CLCN5: variants seen among roughly 807,000 people sequenced by gnomAD.
CLCN5 encodes Cl-/H+ antiporter 5.
Under a neutral mutation model 54.0 loss-of-function variants are expected in CLCN5, and 17 were observed. The observed-to-expected ratio is 0.31, with a 90% CI of 0.22 to 0.47. The LOEUF (loss-of-function observed/expected upper bound fraction) is 0.47. Ranked by LOEUF, CLCN5 falls within the 20% of genes least tolerant of loss-of-function variation. CLCN5 has a pLI of 1.00. For synonymous variants in CLCN5, 222 were observed against 233.0 expected, an observed-to-expected ratio of 0.95 and a Z score of 0.43; for missense variants, 448 against 646.7, an observed-to-expected ratio of 0.69 and a Z score of 3.33.
intron 11 of CLCN5, among the ~76,000 whole-genome samples, 178 bp downstream of exon 11, chrX:50,087,048 G>A (rs975793818): frequency 1.8e-5 from 2 of 109,003 alleles, no homozygotes; most frequent in African/African-American, 6.7e-5. Flanking sequence ...CTAGACACTT[G>A]TACCTCTATC....
intron 3 of CLCN5, among the ~76,000 whole-genome samples, chrX:50,041,005 T>C (rs1201158533): frequency 8.9e-6 from 1 of 112,481 alleles, no homozygotes; most frequent in African/African-American, 3.2e-5. Flanking sequence ...GGAGTGATAA[T>C]GCCATAGCAT....
chrX:50,063,659 T>A (rs1372816408), intron 4 of CLCN5, among the ~76,000 whole-genome samples: 1 of 108,526 alleles, frequency 9.2e-6, no homozygotes, highest in Non-Finnish European at 1.9e-5. Context: ...ACTCATTTTA[T>A]GAGGCCAGCA....
chrX:49,929,387 G>T (rs1399735465), intron 3 of CLCN5, among the ~76,000 whole-genome samples: 2 of 111,846 alleles, frequency 1.8e-5, no homozygotes, highest in East Asian at 5.6e-4. Flanking sequence ...TTGGAGACTT[G>T]TGTTGTCAGG....
At chrX:49,989,526 A>G (rs1191874441) in intron 3 of CLCN5, among the ~76,000 whole-genome samples, 1 of 112,476 alleles carries the variant, frequency 8.9e-6, no homozygotes, top group Non-Finnish European at 1.9e-5. Context: ...GTCTTCTATA[A>G]TACATAGTAG....
intron 7 of CLCN5, among the ~76,000 whole-genome samples, chrX:50,077,305 G>A (rs1451141328): frequency 9.0e-6 from 1 of 110,803 alleles, no homozygotes; most frequent in Non-Finnish European, 1.9e-5. Flanking sequence ...CTCAAACTAG[G>A]GTAAGGTCAG....
At chrX:50,027,048 CCTGTTGCCCAGGCTGGAGTACAATGG>C (rs368248571) in intron 3 of CLCN5, among the ~76,000 whole-genome samples, 3,744 of 103,238 alleles carry the variant, frequency 0.036, 202 homozygotes, top group African/African-American at 0.13. Flanking sequence ...GAAGTCTTGG[CCTGTTGCCCAGGCTGGAGTACAATGG>C]CTTAATCTCG....
intron 2 of CLCN5, among the ~76,000 whole-genome samples, 154 bp from the exon 3 acceptor site, chrX:49,925,017 C>T (rs782468359): frequency 5.0e-4 from 57 of 113,088 alleles, no homozygotes; most frequent in African/African-American, 1.3e-3. Context: ...ATCTCTCTCT[C>T]TTCAGAGATA....
intron 3 of CLCN5, among the ~76,000 whole-genome samples, chrX:49,964,355 C>T (rs1407620592): frequency 3.6e-5 from 4 of 112,033 alleles, no homozygotes; most frequent in African/African-American, 1.3e-4. Context: ...ATAGGATGAA[C>T]TGTGTGCCAG....
At chrX:50,023,520 T>C (rs1557184656) in intron 3 of CLCN5, among the ~76,000 whole-genome samples, 1 of 25,723 alleles carries the variant, frequency 3.9e-5, no homozygotes, top group Non-Finnish European at 5.6e-5. Context: ...ATCCTGTCAT[T>C]ATGATGTTAG....
rs571357509 is a variant in CLCN5, at chrX:49,930,067, A to G, written c.16+4753A>G. 9.8e-5 allele frequency among the ~76,000 whole-genome samples: 11 copies of G among 112,037 alleles called. 1 individual carries two copies. Among genetic ancestry groups the G allele is most frequent in the African/African-American group, 3.2e-4 (10 of 30,813 alleles). ...CAAGTATTTTACTAGAAAAATGTAC[A>G]AAGGACGAGGGAAAATGTGCAAAGG... On this transcript the variant is annotated intron_variant, in intron 3 of 14. Coordinates refer to ENST00000376091, the MANE Select transcript of CLCN5 (RefSeq NM_001127898.4).
intron 3 of CLCN5, among the ~76,000 whole-genome samples, chrX:50,007,861 T>C (rs1043819315): frequency 1.8e-5 from 2 of 112,187 alleles, no homozygotes; most frequent in African/African-American, 3.2e-5. Context: ...TAACTTGACC[T>C]TGGGAAAATC....
intron 3 of CLCN5, among the ~76,000 whole-genome samples, chrX:49,970,630 T>G (rs1928159635): frequency 8.9e-6 from 1 of 112,450 alleles, no homozygotes; most frequent in South Asian, 3.7e-4. Context: ...TGTGTGGATA[T>G]ATGCTACATT....
chrX:49,984,653 A>G (rs941252591), intron 3 of CLCN5, among the ~76,000 whole-genome samples: 1 of 107,360 alleles, frequency 9.3e-6, no homozygotes, highest in Non-Finnish European at 1.9e-5. Flanking sequence ...TGTTGCCCAG[A>G]GTGGAGTGTG....
At chrX:50,075,384 A>ATATATG (rs1430224980) in intron 6 of CLCN5, among the ~76,000 whole-genome samples, 1 of 111,234 alleles carries the variant, frequency 9.0e-6, no homozygotes, top group African/African-American at 3.3e-5. Flanking sequence ...GTATATATGT[A>ATATATG]TATATGTATA....
rs1557195284 is a variant in CLCN5, at chrX:50,094,590, T to C, written c.*2371T>C. 8.9e-6 allele frequency: 1 copy of C among 112,735 alleles called. No individual in the cohort carries two copies. Among genetic ancestry groups the C allele is most frequent in the Non-Finnish European group, 1.9e-5 (1 of 53,321 alleles). The allele number at this position is 112,735 out of a possible 1,213,427, so 9.3% of individuals were successfully genotyped here. ...GGCTTTGTTCTTGATTTTAGACAGATGAGCCAGTGTTAAGGTGCTACTTCA... is the reference window on the plus strand; with the variant it reads ...GGCTTTGTTCTTGATTTTAGACAGACGAGCCAGTGTTAAGGTGCTACTTCA... On this transcript the variant is annotated 3_prime_UTR_variant, in exon 15 of 15. Coordinates refer to ENST00000376091, the MANE Select transcript of CLCN5 (RefSeq NM_001127898.4).
At chrX:49,923,260 G>A (rs1359905459) in intron 1 of CLCN5, 147 bp from the exon 2 acceptor site, 3 of 113,354 alleles carry the variant, frequency 2.6e-5, no homozygotes, top group East Asian at 5.6e-4. Flanking sequence ...TCTCGGAAAA[G>A]TAGTTGCTGC....
chrX:50,044,244 C>T (rs1224691040), intron 4 of CLCN5, among the ~76,000 whole-genome samples: 1 of 111,433 alleles, frequency 9.0e-6, no homozygotes, highest in Non-Finnish European at 1.9e-5. Context: ...AGTTCTATAG[C>T]TTTTATAGGA....
chrX:50,004,136 T>C (rs1015899977), intron 3 of CLCN5, among the ~76,000 whole-genome samples: 5 of 111,449 alleles, frequency 4.5e-5, no homozygotes, highest in African/African-American at 6.5e-5. Context: ...TTCTCTGTTA[T>C]CTCCCCAGAC....
At chrX:50,056,565 C>G (rs1396297498) in intron 4 of CLCN5, among the ~76,000 whole-genome samples, 1 of 111,737 alleles carries the variant, frequency 8.9e-6, no homozygotes, top group Non-Finnish European at 1.9e-5. Flanking sequence ...CTGCAGATAC[C>G]AAGCCAAAGT....
Sources: gnomAD v4.1 joint callset for allele counts (sites outside exome capture counted in the v4.1 genomes callset) on GRCh38, gnomAD v4.1.1 for gene constraint, MANE v1.5 for transcripts, NCBI Gene and HGNC (gene_info 2026-07-23, HGNC 2026-07-21) for gene names.